The following HERC1 variants were observed in gnomAD, a reference collection of about 807,000 sequenced individuals.
The protein encoded by HERC1 is probable E3 ubiquitin-protein ligase HERC1.
A neutral mutation model predicts 554.3 loss-of-function variants in HERC1; 160 were observed. The ratio of observed to expected loss-of-function variants is 0.29; its 90% confidence interval spans 0.25 to 0.33. The LOEUF (loss-of-function observed/expected upper bound fraction) is 0.33. Among genes scored for constraint, HERC1 ranks in the 10% least tolerant of loss-of-function variants. The pLI is 1.00. For missense variants in HERC1, 4,919 were observed against 5,918.5 expected, an observed-to-expected ratio of 0.83 and a Z score of 5.54; for synonymous variants, 2,175 against 2,131.7, an observed-to-expected ratio of 1.02 and a Z score of -0.56.
intron 1 of HERC1, among the ~76,000 whole-genome samples, chr15:63,781,380 T>C (rs1216195996): frequency 2.0e-5 from 3 of 152,230 alleles, no homozygotes; most frequent in Non-Finnish European, 4.4e-5. Context: ...TCACTTCATG[T>C]ATCTGTGTCA....
chr15:63,718,545 C>G lies in HERC1; in HGVS notation c.3978+29G>C. On this transcript the variant is annotated intron_variant, in intron 21 of 77. Transcript: ENST00000443617. This position sits in a 1 kb window ranked among gnomAD's most constrained non-coding sequence, Gnocchi z 4.2. ...CTAGCTCTCACAGCTTGCAGAAAAA[C>G]ATAGAAATTAATTGATTTCAAACTT... 1 of 1,526,120 alleles carries G rather than the reference C, an allele frequency of 6.6e-7. No individual in the cohort carries two copies. Among genetic ancestry groups the G allele is most frequent in the Non-Finnish European group, 8.8e-7 (1 of 1,130,522 alleles). 94.5% of individuals were successfully genotyped at this position (1,526,120 alleles called of 1,614,324 possible). A position where few individuals can be genotyped will look rare whatever the true frequency, so the allele number is the denominator to read the frequency against.
At position 63,680,904 on chromosome 15, in the gene HERC1, G is replaced by A; in HGVS notation, c.6226-128C>T. The A allele has an allele frequency of 1.6e-6, 1 of 622,672 alleles. No homozygotes were observed. Among genetic ancestry groups the A allele is most frequent in the East Asian group, 2.9e-5 (1 of 34,194 alleles). The allele number at this position is 622,672 out of a possible 1,614,324, so 38.6% of individuals were successfully genotyped here. On this transcript the variant is annotated intron_variant, in intron 34 of 77. Transcript: ENST00000443617. This position sits in a 1 kb window ranked among gnomAD's most constrained non-coding sequence, Gnocchi z 5.8. Reference sequence around the variant, plus strand: ...CATTTATGGAAACATGTTATTTTCAGCATAAATAAAAATAACACGAAAATA... The same window carrying A: ...CATTTATGGAAACATGTTATTTTCAACATAAATAAAAATAACACGAAAATA...
In HERC1 at chr15:63,725,191, T is replaced by C. The variant is rs760018291; in HGVS notation, c.3568+101A>G. On this transcript the variant is annotated intron_variant, in intron 18 of 77. Transcript: ENST00000443617. The stretch of plus-strand genomic sequence containing the variant: ...ATTCCCTACACTGCTAATGTTGCAA[T>C]TGGTGCCTGTCAGTTCTCTATTTAG... 18 of 993,048 alleles carry C rather than the reference T, an allele frequency of 1.8e-5. No individual in the cohort carries two copies. In the African/African-American group the frequency reaches 2.3e-4, roughly 13 times the overall value. The allele number at this position is 993,048 out of a possible 1,614,324, so 61.5% of individuals were successfully genotyped here.
rs954501607 is a variant in HERC1 at position 63,720,265 on chromosome 15, G to A, written c.3743-1368C>T. Among the ~76,000 whole-genome samples, 10 of 151,138 alleles carry A rather than the reference G, an allele frequency of 6.6e-5. No individual in the cohort carries two copies. The South Asian group carries it at 1.3e-3, about 19-fold the overall frequency. On this transcript the variant is annotated intron_variant, in intron 19 of 77. Coordinates refer to ENST00000443617, the MANE Select transcript of HERC1 (RefSeq NM_003922.4). ...GTTACAGGCATGAGCTACCACACTC[G>A]GCCTCTTCCCATTCTTTAATTCTAT...
chr15:63,624,043 C>A, intron 72 of HERC1, 115 bp downstream of exon 72: 1 of 1,230,010 alleles, frequency 8.1e-7, no homozygotes, highest in Non-Finnish European at 1.2e-6. Flanking sequence ...AATGTAAGTA[C>A]TATTACTATC....
Position 63,615,834 on chromosome 15 carries a change from T to C in HERC1, c.14028A>G (p.Thr4676=), listed in dbSNP as rs1391411722. 1.9e-6 allele frequency: 3 copies of C among 1,607,720 alleles called. No individual in the cohort carries two copies. The highest frequency in any genetic ancestry group is 1.3e-5 in the African/African-American group (1 of 74,488). Residue 4676 remains threonine (T), a synonymous_variant, in exon 76 of 78, where the codon ACA becomes ACG. Transcript: ENST00000443617. ...IIPGGNSIPL[T]FSNRKEYVER... is the part of the protein sequence containing the mutation. ...CCACATATTCCTTCCTGTTGGAAAA[T>C]GTGAGTGGGATACTATTTCCACCAG... is the stretch of plus-strand genomic sequence containing the variant.
At position 63,616,573 on chromosome 15, in the gene HERC1, A is replaced by C. The variant is rs756816701; in HGVS notation, c.13798T>G (p.Leu4600Val). ...AGCTGCTTCCACACCAGAGGGGCCA[A>C]GTGGAGGTCCAGAGGCTTCTTTGTG... ...IRTKKPLDLH[L>V]APLVWKQLCC... Residue 4600 changes from leucine to valine, a missense_variant, in exon 75 of 78, where the codon TTG becomes GTG. Leu to Val is a conservative substitution (Grantham distance 32). Around this residue, in one of 11 missense-constraint regions of HERC1, gnomAD observed 284 missense variants for 294.1 expected, o/e 0.97. Coordinates refer to ENST00000443617, the MANE Select transcript of HERC1 (RefSeq NM_003922.4). The C allele has an allele frequency of 5.6e-6, 9 of 1,614,018 alleles. No individual in the cohort carries two copies. The highest frequency in any genetic ancestry group is 7.6e-6 in the Non-Finnish European group (9 of 1,179,892).
rs1202307182 is a variant in HERC1 at position 63,758,320 on chromosome 15, C to T, written c.1076G>A (p.Ser359Asn). The change falls in exon 4 of 78, where the codon AGC becomes AAC. Residue 359 changes from serine (S) to asparagine (N), a missense_variant. Physicochemically the swap from Ser to Asn is conservative, Grantham distance 46 (BLOSUM62 1). Transcript: ENST00000443617. The surrounding 1 kb of genome is among the most constrained non-coding windows in gnomAD (Gnocchi z 4.0). The stretch of plus-strand genomic sequence containing the variant: ...AATGGGAGCATCACCAGTCTGAATG[C>T]TATCTGGGCTAGCACATGTTCTCGA... ...DYSRTCASPD[S>N]IQTGDAPIVS... 13 of 1,611,330 alleles carry T rather than the reference C, an allele frequency of 8.1e-6. No individual in the cohort carries two copies. The highest frequency in any genetic ancestry group is 1.1e-5 in the Non-Finnish European group (13 of 1,177,768).
chr15:63,767,191 C>G (rs1295250181), intron 2 of HERC1, among the ~76,000 whole-genome samples: 1 of 150,456 alleles, frequency 6.6e-6, no homozygotes, highest in African/African-American at 2.4e-5. Context: ...TTAGTAGAGA[C>G]AGGGTTTCAC....
chr15:63,816,002 C>A (rs1379964840), intron 1 of HERC1, among the ~76,000 whole-genome samples: 1 of 152,100 alleles, frequency 6.6e-6, no homozygotes, highest in Non-Finnish European at 1.5e-5. Flanking sequence ...CCCCACGATT[C>A]ATTTACCTCC....
intron 1 of HERC1, among the ~76,000 whole-genome samples, chr15:63,791,657 A>T (rs2076656927): frequency 6.6e-6 from 1 of 152,224 alleles, no homozygotes; most frequent in African/African-American, 2.4e-5. Context: ...TTGCAAATCC[A>T]GGTTCCTTCA....
At chr15:63,691,738 TTA>T (rs1298068153) in intron 31 of HERC1, among the ~76,000 whole-genome samples, 13 of 152,140 alleles carry the variant, frequency 8.5e-5, no homozygotes, top group Admixed American at 7.9e-4. Flanking sequence ...GAGGATTACA[TTA>T]TGTTTTGGCA....
intron 1 of HERC1, among the ~76,000 whole-genome samples, chr15:63,814,697 GGCCTC>G (rs1413939977): frequency 6.6e-6 from 1 of 152,032 alleles, no homozygotes; most frequent in Non-Finnish European, 1.5e-5. Flanking sequence ...TTGAACTCCT[GGCCTC>G]AAGTTATCTG....
chr15:63,832,232 C>T (rs1444560045), intron 1 of HERC1, among the ~76,000 whole-genome samples: 3 of 152,180 alleles, frequency 2.0e-5, no homozygotes, highest in African/African-American at 7.2e-5. Flanking sequence ...CATCTTAACT[C>T]ACTTCCAAGA....
In HERC1 at chr15:63,630,641, AAAAAC is replaced by A; in HGVS notation, c.12797-11_12797-7del. ...TGGCAAGCCTATCAGGCGATCTGAA[AAAAAC>A]AAAACAAAAACATGTGGAAATGTTA... On this transcript the variant is annotated splice_region_variant and splice_polypyrimidine_tract_variant and intron_variant, in intron 68 of 77. Coordinates refer to ENST00000443617, the MANE Select transcript of HERC1 (RefSeq NM_003922.4). The A allele has an allele frequency of 6.2e-7, 1 of 1,607,164 alleles. No homozygotes were observed. Among genetic ancestry groups the A allele is most frequent in the Non-Finnish European group, 8.5e-7 (1 of 1,177,062 alleles).
chr15:63,760,435 C>CAAAAAA (rs34164820), intron 3 of HERC1, among the ~76,000 whole-genome samples: 2 of 91,380 alleles, frequency 2.2e-5, no homozygotes, highest in African/African-American at 8.5e-5. Flanking sequence ...AGACACCATC[C>CAAAAAA]AAAAAAAAAA....
Position 63,648,070 on chromosome 15 carries a change from T to G in HERC1, c.10877A>C (p.Lys3626Thr). ...KGGIVLIDAH[K>T]DTLISMKWDP... is the part of the protein sequence containing the mutation. ...TACGTTTTTTAAAGATGCATTTACC[T>G]TATGTGCATCAATTAGAACAATGCC... is the stretch of plus-strand genomic sequence containing the variant. Residue 3626 changes from lysine to threonine, a missense_variant and splice_region_variant, in exon 55 of 78, where the codon AAG becomes ACG. By Grantham distance (78) the Lys-to-Thr change is moderately conservative. Transcript: ENST00000443617. The G allele has an allele frequency of 6.4e-7, 1 of 1,554,020 alleles. No individual in the cohort carries two copies. Among genetic ancestry groups the G allele is most frequent in the Non-Finnish European group, 8.7e-7 (1 of 1,147,544 alleles).
intron 14 of HERC1, among the ~76,000 whole-genome samples, chr15:63,730,982 G>A (rs980130027): frequency 2.0e-5 from 3 of 152,110 alleles, no homozygotes; most frequent in African/African-American, 7.2e-5. Flanking sequence ...ATTTTTTGGT[G>A]TATTTCTTTC....
At position 63,758,175 on chromosome 15, in the gene HERC1, G is replaced by A. The variant is rs1041949802; in HGVS notation, c.1221C>T (p.Thr407=). 4.4e-6 allele frequency: 7 copies of A among 1,590,266 alleles called. No individual in the cohort carries two copies. The highest frequency in any genetic ancestry group is 1.7e-4 in the Middle Eastern group (1 of 6,002). Residue 407 remains threonine, a splice_region_variant and synonymous_variant, in exon 4 of 78, where the codon ACC becomes ACT. Transcript: ENST00000443617. The surrounding 1 kb of genome is among the most constrained non-coding windows in gnomAD (Gnocchi z 4.0). ...TTTGTAAGCTATTTAGAAAACTTAC[G>A]GTCTGTGCATCAGAGAAACTAGGAG... The part of the protein sequence containing the change: ...KLAPSFSDAQ[T]IEAGQYCTFV...
Sources: allele counts gnomAD v4.1 joint callset (sites outside exome capture counted in the v4.1 genomes callset), GRCh38; gene constraint gnomAD v4.1.1; regional missense constraint gnomAD v4.1.1; non-coding constraint Gnocchi (gnomAD v3.1); transcripts MANE v1.5; gene names NCBI Gene and HGNC (gene_info 2026-07-23, HGNC 2026-07-21).